METAP1D: variants seen among roughly 807,000 people sequenced by gnomAD.
The protein encoded by METAP1D is methionine aminopeptidase 1D, mitochondrial.
METAP1D carries 31 observed loss-of-function variants against 40.5 expected under a neutral mutation model. The observed-to-expected ratio is 0.77, with a 90% CI of 0.58 to 1.03. The LOEUF is 1.03. METAP1D is among the 50% of genes least tolerant of loss of function. METAP1D has a pLI of 0.00. For synonymous variants in METAP1D, 151 were observed against 146.4 expected, an observed-to-expected ratio of 1.03 and a Z score of -0.22; for missense variants, 411 against 420.7, an observed-to-expected ratio of 0.98 and a Z score of 0.20.
At position 172,042,312 on chromosome 2, in the gene METAP1D, T is replaced by C. The variant is rs543041204; in HGVS notation, c.41-19186T>C. ...ATGTGTACATGTGTACATATATACA[T>C]ATATACATATGTATGTGTACATGTG... On this transcript the variant is annotated intron_variant, in intron 1 of 9. Transcript: ENST00000315796. 3.6e-5 allele frequency among the ~76,000 whole-genome samples: 2 copies of C among 55,836 alleles called. 1 individual carries two copies. The highest frequency in any genetic ancestry group is 1.1e-3 in the South Asian group (2 of 1,746). 36.6% of individuals were successfully genotyped at this position (55,836 alleles called of 152,430 possible).
chr2:172,025,330 A>G (rs1351789879), intron 1 of METAP1D, among the ~76,000 whole-genome samples: 1 of 151,988 alleles, frequency 6.6e-6, no homozygotes, highest in Non-Finnish European at 1.5e-5. Flanking sequence ...GAAAAAAATT[A>G]TTATTATTAT....
chr2:172,080,930 G>A lies in METAP1D; in HGVS notation c.*524G>A. On this transcript the variant is annotated 3_prime_UTR_variant, in exon 10 of 10. Transcript: ENST00000315796. ...GCCCCAAGGATGCTCGCAGAAGCCAGCCCCCAACCCCAGCCCTTCCGTATC... is the reference window on the plus strand; with the variant it reads ...GCCCCAAGGATGCTCGCAGAAGCCAACCCCCAACCCCAGCCCTTCCGTATC... 6.1e-6 allele frequency: 1 copy of A among 164,116 alleles called. No individual in the cohort carries two copies. Among genetic ancestry groups the A allele is most frequent in the Non-Finnish European group, 1.3e-5 (1 of 74,910 alleles). 10.2% of individuals were successfully genotyped at this position (164,116 alleles called of 1,614,324 possible).
rs558718431 is a variant in METAP1D at position 172,045,162 on chromosome 2, A to C, written c.41-16336A>C. The stretch of plus-strand genomic sequence containing the variant: ...GTTTTGCAAATATGTTAAAGTTTGC[A>C]TATTTCTTAACCCACAAATACTACT... On this transcript the variant is annotated intron_variant, in intron 1 of 9. Coordinates refer to ENST00000315796, the MANE Select transcript of METAP1D (RefSeq NM_199227.3). 1.5e-5 allele frequency among the ~76,000 whole-genome samples: 2 copies of C among 134,688 alleles called. 1 individual carries two copies. The highest frequency in any genetic ancestry group is 3.5e-5 in the Non-Finnish European group (2 of 57,748). 88.4% of individuals were successfully genotyped at this position (134,688 alleles called of 152,430 possible).
At chr2:172,037,749 G>A (rs1689429507) in intron 1 of METAP1D, among the ~76,000 whole-genome samples, 1 of 152,168 alleles carries the variant, frequency 6.6e-6, no homozygotes, top group Admixed American at 6.5e-5. Flanking sequence ...TACCCCGTTG[G>A]TGAGTTCTGG....
chr2:172,045,819 G>GTGTATATA (rs1689746734), intron 1 of METAP1D, among the ~76,000 whole-genome samples: 1 of 15,192 alleles, frequency 6.6e-5, no homozygotes, highest in East Asian at 2.1e-3. Context: ...GTGTGTGTGT[G>GTGTATATA]TATATATATA....
rs6740634 is a variant in METAP1D, at chr2:172,037,774, C to T, written c.41-23724C>T. 4.9e-3 allele frequency among the ~76,000 whole-genome samples: 741 copies of T among 152,312 alleles called. 4 individuals carry two copies. Among genetic ancestry groups the T allele is most frequent in the African/African-American group, 0.016 (679 of 41,564 alleles). ...GTGAGTTCTGGTTAGTGACATTAGT[C>T]CTCCAGAGCCACCATGTTTTGTCTC... On this transcript the variant is annotated intron_variant, in intron 1 of 9. Coordinates refer to ENST00000315796, the MANE Select transcript of METAP1D (RefSeq NM_199227.3).
In METAP1D at chr2:172,042,320, T is replaced by C. The variant is rs1231933209; in HGVS notation, c.41-19178T>C. Among the ~76,000 whole-genome samples the C allele has an allele frequency of 3.6e-5, 2 of 56,220 alleles. 1 individual carries two copies. The highest frequency in any genetic ancestry group is 1.3e-4 in the African/African-American group (2 of 15,388). The allele number at this position is 56,220 out of a possible 152,430, so 36.9% of individuals were successfully genotyped here. A position where few individuals can be genotyped will look rare whatever the true frequency, so the allele number is the denominator to read the frequency against. On this transcript the variant is annotated intron_variant, in intron 1 of 9. Coordinates refer to ENST00000315796, the MANE Select transcript of METAP1D (RefSeq NM_199227.3). ...ATGTGTACATATATACATATATACA[T>C]ATGTATGTGTACATGTGTACATATA...
intron 1 of METAP1D, among the ~76,000 whole-genome samples, chr2:172,040,780 T>A (rs1689501615): frequency 8.5e-6 from 1 of 117,452 alleles, no homozygotes; most frequent in South Asian, 2.9e-4. Context: ...GGAGTCTCGC[T>A]CTCTCTCCCA....
rs576763057 is a variant in METAP1D, at chr2:172,080,074, A to G, written c.851-54A>G. 8 of 1,477,706 alleles carry G rather than the reference A, an allele frequency of 5.4e-6. No homozygotes were observed. The African/African-American group carries it at 9.8e-5, about 18-fold the overall frequency. 91.5% of individuals were successfully genotyped at this position (1,477,706 alleles called of 1,614,324 possible). The stretch of plus-strand genomic sequence containing the variant: ...CTTTTTTAATAATCAGCCGGAAACA[A>G]TGTTTAACAAGAATCTGATGAGGTC... On this transcript the variant is annotated intron_variant, in intron 8 of 9. Transcript: ENST00000315796.
At chr2:172,059,191 C>T (rs1296976797) in intron 1 of METAP1D, among the ~76,000 whole-genome samples, 2 of 151,862 alleles carry the variant, frequency 1.3e-5, no homozygotes, top group South Asian at 2.1e-4. Flanking sequence ...TCACTGCACC[C>T]TCTGCCTTCC....
chr2:172,063,595 G>A (rs900452218), intron 2 of METAP1D, 116 bp from the exon 3 acceptor site: 2 of 794,864 alleles, frequency 2.5e-6, no homozygotes, highest in Non-Finnish European at 4.2e-6. Flanking sequence ...GGCTTCGGAG[G>A]TCGGTGCTCC....
At chr2:172,075,788 T>C (rs531020573) in intron 6 of METAP1D, among the ~76,000 whole-genome samples, 2 of 152,318 alleles carry the variant, frequency 1.3e-5, no homozygotes, top group South Asian at 4.1e-4. Flanking sequence ...GAGTGTATAC[T>C]CAGCTCCTGA....
At chr2:172,034,886 T>A (rs1689332270) in intron 1 of METAP1D, among the ~76,000 whole-genome samples, 1 of 152,178 alleles carries the variant, frequency 6.6e-6, no homozygotes, top group Admixed American at 6.5e-5. Flanking sequence ...ATTTCTTATT[T>A]TTCTTGATTG....
Position 172,042,885 on chromosome 2 carries a change from G to GTACATATATGTGTATATGTGTAAATATA in METAP1D, c.41-18598_41-18597insATGTGTAAATATATACATATATGTGTAT, listed in dbSNP as rs1689631954. Among the ~76,000 whole-genome samples the GTACATATATGTGTATATGTGTAAATATA allele has an allele frequency of 1.9e-3, 32 of 16,546 alleles. 14 individuals are homozygous for GTACATATATGTGTATATGTGTAAATATA. The highest frequency in any genetic ancestry group is 1.1e-3 in the Admixed American group (2 of 1,796). The allele number at this position is 16,546 out of a possible 152,430, so 10.9% of individuals were successfully genotyped here. ...CATATATGTGTATGTGTGTAAATAT[G>GTACATATATGTGTATATGTGTAAATATA]TACATATATGTGTATGTGTACATAT... On this transcript the variant is annotated intron_variant, in intron 1 of 9. Coordinates refer to ENST00000315796, the MANE Select transcript of METAP1D (RefSeq NM_199227.3).
chr2:172,058,433 C>A (rs1303564689), intron 1 of METAP1D, among the ~76,000 whole-genome samples: 1 of 152,222 alleles, frequency 6.6e-6, no homozygotes, highest in Non-Finnish European at 1.5e-5. Flanking sequence ...TTTCCTAGGA[C>A]ACTACCCTGT....
At chr2:172,061,187 G>A (rs955368767) in intron 1 of METAP1D, among the ~76,000 whole-genome samples, 2 of 152,184 alleles carry the variant, frequency 1.3e-5, no homozygotes, top group Admixed American at 6.5e-5. Context: ...GCCACATAAG[G>A]TATTACAGCA....
intron 1 of METAP1D, among the ~76,000 whole-genome samples, chr2:172,060,724 A>G (rs1690120746): frequency 6.6e-6 from 1 of 152,170 alleles, no homozygotes; most frequent in African/African-American, 2.4e-5. Context: ...TCAGTCCCCT[A>G]CTGGTATTTC....
intron 1 of METAP1D, among the ~76,000 whole-genome samples, chr2:172,050,434 G>GT (rs147904842): frequency 0.17 from 26,354 of 151,098 alleles, 2,655 homozygotes; most frequent in Non-Finnish European, 0.23. Context: ...TACTATATCA[G>GT]TTTTTTTTTA....
intron 1 of METAP1D, among the ~76,000 whole-genome samples, chr2:172,037,722 T>G (rs1449858912): frequency 6.6e-6 from 1 of 152,186 alleles, no homozygotes; most frequent in East Asian, 1.9e-4. Flanking sequence ...TTCTGAACAC[T>G]TAATATCTAG....
Sources: gnomAD v4.1 joint callset for allele counts (sites outside exome capture counted in the v4.1 genomes callset) on GRCh38, gnomAD v4.1.1 for gene constraint, MANE v1.5 for transcripts, NCBI Gene and HGNC (gene_info 2026-07-23, HGNC 2026-07-21) for gene names.